Variants in MAML2 observed in about 807,000 individuals in gnomAD.
MAML2 encodes mastermind like transcriptional coactivator 2.
In MAML2, 22 loss-of-function variants were observed where a neutral mutation model predicts 96.1. That is an observed-to-expected ratio of 0.23 (90% CI 0.16 to 0.33). MAML2 has a LOEUF of 0.33. MAML2 is among the 10% of genes least tolerant of loss of function. MAML2 has a pLI of 1.00. For synonymous variants in MAML2, 561 were observed against 521.3 expected, an observed-to-expected ratio of 1.08 and a Z score of -1.04; for missense variants, 1,367 against 1,392.4, an observed-to-expected ratio of 0.98 and a Z score of 0.29.
chr11:96,226,123 C>T (rs1458075109), intron 1 of MAML2, among the ~76,000 whole-genome samples: 1 of 152,134 alleles, frequency 6.6e-6, no homozygotes, highest in Admixed American at 6.5e-5. Flanking sequence ...GGCTCAATAT[C>T]CTAGTGTTCC....
intron 1 of MAML2, among the ~76,000 whole-genome samples, chr11:96,174,476 T>C (rs1423569311): frequency 6.6e-6 from 1 of 152,206 alleles, no homozygotes; most frequent in Non-Finnish European, 1.5e-5. Context: ...CTCTGCCTCC[T>C]GGGTTCAAGC....
chr11:95,980,078 C>A, intron 4 of MAML2, 115 bp from the exon 5 acceptor site: 2 of 752,298 alleles, frequency 2.7e-6, no homozygotes, highest in Non-Finnish European at 4.3e-6. Flanking sequence ...ACAATTTAGG[C>A]GAAATAATGA....
chr11:96,034,432 TGAGAGAGA>T (rs371921984), intron 2 of MAML2, among the ~76,000 whole-genome samples: 1 of 135,656 alleles, frequency 7.4e-6, no homozygotes, highest in Admixed American at 7.4e-5. Context: ...TGTGTGTGTG[TGAGAGAGA>T]GAGAGAGAGA....
chr11:96,114,258 T>C (rs1373901146), intron 1 of MAML2, among the ~76,000 whole-genome samples: 2 of 152,202 alleles, frequency 1.3e-5, no homozygotes, highest in African/African-American at 4.8e-5. Context: ...TGACCATTCC[T>C]TGATGGTTCA....
intron 2 of MAML2, among the ~76,000 whole-genome samples, chr11:96,052,517 C>A (rs1447922732): frequency 9.9e-5 from 15 of 152,182 alleles, no homozygotes; most frequent in Admixed American, 9.8e-4. Flanking sequence ...TGCTTCTGCC[C>A]AGTTTTTAGT....
chr11:96,334,490 C>T (rs964171531), intron 1 of MAML2, among the ~76,000 whole-genome samples: 13 of 152,136 alleles, frequency 8.5e-5, no homozygotes, highest in African/African-American at 3.1e-4. Context: ...GAAATCTGGT[C>T]GTCTCACCTC....
rs149426894 is a variant in MAML2, at chr11:96,162,765, A to G, written c.514-69248T>C. ...ATAAAAAGATAAAGTCCCTGTCCTC[A>G]TGGAACTTACAGTTGAGCTTAACTA... On this transcript the variant is annotated intron_variant, in intron 1 of 4. Transcript: ENST00000524717. 2.5e-3 allele frequency among the ~76,000 whole-genome samples: 386 copies of G among 151,944 alleles called. 4 individuals carry two copies. The highest frequency in any genetic ancestry group is 8.8e-3 in the African/African-American group (363 of 41,406).
At chr11:96,229,701 G>A (rs1862263746) in intron 1 of MAML2, among the ~76,000 whole-genome samples, 1 of 151,832 alleles carries the variant, frequency 6.6e-6, no homozygotes, top group Middle Eastern at 3.2e-3. Context: ...GTACTTCATT[G>A]CATTATACCA....
Position 96,262,686 on chromosome 11 carries a change from G to T in MAML2, c.513+78697C>A, listed in dbSNP as rs1466120841. Among the ~76,000 whole-genome samples the T allele has an allele frequency of 2.0e-5, 3 of 152,118 alleles. No individual in the cohort carries two copies. In the East Asian group the frequency reaches 5.8e-4, roughly 29 times the overall value. On this transcript the variant is annotated intron_variant, in intron 1 of 4. Coordinates refer to ENST00000524717, the MANE Select transcript of MAML2 (RefSeq NM_032427.4). ...GGGTTTTACCATGTTAGCCAGGATG[G>T]TCTGGATCTCCTGACCTCATGATCC...
At chr11:96,039,912 C>T (rs1388769791) in intron 2 of MAML2, among the ~76,000 whole-genome samples, 1 of 147,454 alleles carries the variant, frequency 6.8e-6, no homozygotes, top group Non-Finnish European at 1.5e-5. Context: ...GAGCAGAGAT[C>T]GTGCCACTGC....
chr11:96,059,221 G>T (rs1423434470), intron 2 of MAML2, among the ~76,000 whole-genome samples: 1 of 152,182 alleles, frequency 6.6e-6, no homozygotes, highest in Non-Finnish European at 1.5e-5. Context: ...ACATGCATAA[G>T]ATGGTAATTC....
chr11:96,210,315 G>T (rs1004908396), intron 1 of MAML2, among the ~76,000 whole-genome samples: 2 of 152,128 alleles, frequency 1.3e-5, no homozygotes, highest in East Asian at 3.9e-4. Flanking sequence ...CACCATGTTG[G>T]CCAGGCTGGT....
At chr11:96,294,111 T>C (rs913586432) in intron 1 of MAML2, among the ~76,000 whole-genome samples, 3 of 152,198 alleles carry the variant, frequency 2.0e-5, no homozygotes, top group Non-Finnish European at 2.9e-5. Context: ...AAGACTGATA[T>C]GTTCGTTCTT....
At chr11:96,126,070 C>T (rs1184125165) in intron 1 of MAML2, among the ~76,000 whole-genome samples, 1 of 152,080 alleles carries the variant, frequency 6.6e-6, no homozygotes, top group African/African-American at 2.4e-5. Context: ...CTGATACGGT[C>T]GTAATACTTT....
intron 1 of MAML2, among the ~76,000 whole-genome samples, chr11:96,204,172 A>C (rs543867441): frequency 6.6e-6 from 1 of 152,178 alleles, no homozygotes; most frequent in Non-Finnish European, 1.5e-5. Flanking sequence ...GCAGGGACAA[A>C]AGGGTGTAGG....
At chr11:96,097,738 AG>A (rs1288302801) in intron 1 of MAML2, among the ~76,000 whole-genome samples, 6 of 152,210 alleles carry the variant, frequency 3.9e-5, no homozygotes, top group Admixed American at 2.0e-4. Context: ...TTCAAAGGCA[AG>A]GGTACCTATG....
chr11:96,103,873 G>T (rs1302266639), intron 1 of MAML2, among the ~76,000 whole-genome samples: 1 of 152,110 alleles, frequency 6.6e-6, no homozygotes, highest in Non-Finnish European at 1.5e-5. Flanking sequence ...CTACTTTTTT[G>T]TTTGTTTGTT....
chr11:96,117,579 C>T (rs1860266073), intron 1 of MAML2, among the ~76,000 whole-genome samples: 1 of 152,124 alleles, frequency 6.6e-6, no homozygotes, highest in African/African-American at 2.4e-5. Flanking sequence ...GGATTACAGA[C>T]ATGAGCCACC....
intron 2 of MAML2, among the ~76,000 whole-genome samples, chr11:96,053,532 T>A (rs567661056): frequency 6.6e-6 from 1 of 152,194 alleles, no homozygotes; most frequent in Non-Finnish European, 1.5e-5. Context: ...AGACTTATTA[T>A]AAACAATAGC....
Sources: gnomAD v4.1 joint callset for allele counts (sites outside exome capture counted in the v4.1 genomes callset) on GRCh38, gnomAD v4.1.1 for gene constraint, MANE v1.5 for transcripts, NCBI Gene and HGNC (gene_info 2026-07-23, HGNC 2026-07-21) for gene names.